The following NEO1 variants were observed in gnomAD, a reference collection of about 807,000 sequenced individuals.
NEO1 encodes the protein neogenin.
NEO1 carries 63 observed loss-of-function variants against 159.7 expected under a neutral mutation model. That is an observed-to-expected ratio of 0.39 (90% CI 0.32 to 0.49). The LOEUF is 0.49. Among genes scored for constraint, NEO1 ranks in the 20% least tolerant of loss-of-function variants. NEO1 has a pLI of 0.85. For missense variants in NEO1, 1,615 were observed against 1,831.0 expected, an observed-to-expected ratio of 0.88 and a Z score of 2.15; for synonymous variants, 633 against 662.0, an observed-to-expected ratio of 0.96 and a Z score of 0.67.
chr15:73,256,534 A>G lies in NEO1; in HGVS notation c.2092+1705A>G, dbSNP rs190331103. On this transcript the variant is annotated intron_variant, in intron 13 of 28. Transcript: ENST00000261908. ...ATAATGTTTTTACTTGTTTATGGGT[A>G]TAAGTTTCTAAAAATTGAGAGAGCC... 2.0e-5 allele frequency among the ~76,000 whole-genome samples: 3 copies of G among 152,266 alleles called. No homozygotes were observed. The East Asian group carries it at 5.8e-4, about 29-fold the overall frequency.
chr15:73,260,574 A>C (rs1185302101), intron 15 of NEO1, 109 bp downstream of exon 15: 11 of 985,320 alleles, frequency 1.1e-5, no homozygotes, highest in Middle Eastern at 3.0e-4. Context: ...AGTACAAGTA[A>C]TTTCTGCATG....
chr15:73,265,634 T>C (rs1337628757), intron 15 of NEO1, among the ~76,000 whole-genome samples: 1 of 152,206 alleles, frequency 6.6e-6, no homozygotes, highest in Non-Finnish European at 1.5e-5. Flanking sequence ...CAAAGCACTT[T>C]TTCCTTGCCA....
At chr15:73,092,854 C>A (rs974139889) in intron 1 of NEO1, among the ~76,000 whole-genome samples, 4 of 152,196 alleles carry the variant, frequency 2.6e-5, no homozygotes, top group African/African-American at 7.2e-5. Flanking sequence ...ACATTTGTTA[C>A]AATTAGTAAA....
At chr15:73,290,523 AC>A (rs66505471) in intron 25 of NEO1, among the ~76,000 whole-genome samples, 152,244 of 152,248 alleles carry the variant, frequency 1, 76,120 homozygotes, top group Middle Eastern at 1. Context: ...CTGAGCCACC[AC>A]CACCCGCCCA....
intron 5 of NEO1, among the ~76,000 whole-genome samples, chr15:73,139,303 G>T (rs1394493820): frequency 1.3e-5 from 2 of 151,960 alleles, no homozygotes; most frequent in African/African-American, 2.4e-5. Context: ...GAAAACACAG[G>T]CAACGAAAGC....
At chr15:73,194,163 A>G (rs1323477013) in intron 7 of NEO1, among the ~76,000 whole-genome samples, 1 of 152,152 alleles carries the variant, frequency 6.6e-6, no homozygotes, top group Non-Finnish European at 1.5e-5. Context: ...GGATTAATTT[A>G]TTAGAGATGT....
At chr15:73,233,659 T>C (rs1227570647) in intron 7 of NEO1, among the ~76,000 whole-genome samples, 5 of 152,158 alleles carry the variant, frequency 3.3e-5, no homozygotes, top group Non-Finnish European at 5.9e-5. Flanking sequence ...TAAAGAGTTA[T>C]AGATCTGTGC....
chr15:73,266,001 C>T (rs1047580061), intron 15 of NEO1, among the ~76,000 whole-genome samples: 64 of 152,226 alleles, frequency 4.2e-4, no homozygotes, highest in African/African-American at 1.5e-3. Flanking sequence ...CACATTAAAT[C>T]TTATCTCTTC....
intron 1 of NEO1, among the ~76,000 whole-genome samples, chr15:73,078,368 T>C (rs1399305768): frequency 6.6e-6 from 1 of 152,110 alleles, no homozygotes; most frequent in Non-Finnish European, 1.5e-5. Flanking sequence ...TTAAACACAG[T>C]GGATGTTTGA....
chr15:73,136,130 T>A, intron 5 of NEO1, 103 bp downstream of exon 5: 2 of 985,668 alleles, frequency 2.0e-6, no homozygotes, highest in Non-Finnish European at 2.8e-6. Flanking sequence ...GCAAAACAAT[T>A]AAAAGCATAA....
chr15:73,279,345 G>T lies in NEO1; in HGVS notation c.3262+1146G>T, dbSNP rs796754128. Among the ~76,000 whole-genome samples the T allele has an allele frequency of 1.3e-3, 100 of 77,834 alleles. 2 individuals are homozygous for T. In the South Asian group the frequency reaches 0.03, roughly 24 times the overall value. The allele number at this position is 77,834 out of a possible 152,430, so 51.1% of individuals were successfully genotyped here. ...GCATGCATGTTTTTTTGTTGTTTTG[G>T]TTTTGGTTTTTTTTTTTTTTTGAGA... On this transcript the variant is annotated intron_variant, in intron 22 of 28. Coordinates refer to ENST00000261908, the MANE Select transcript of NEO1 (RefSeq NM_002499.4).
intron 5 of NEO1, among the ~76,000 whole-genome samples, chr15:73,167,349 A>G (rs2034648355): frequency 6.6e-6 from 1 of 150,666 alleles, no homozygotes; most frequent in Non-Finnish European, 1.5e-5. Flanking sequence ...TTCCTTGGCT[A>G]TTGTTTTAAG....
intron 4 of NEO1, among the ~76,000 whole-genome samples, chr15:73,129,260 A>T (rs914689170): frequency 6.6e-6 from 1 of 152,228 alleles, no homozygotes; most frequent in Non-Finnish European, 1.5e-5. Flanking sequence ...TACCCAAAAT[A>T]TCTTTGTTTC....
At position 73,290,279 on chromosome 15, in the gene NEO1, C is replaced by T. The variant is rs1463001384; in HGVS notation, c.3742+1041C>T. Among the ~76,000 whole-genome samples, 3 of 111,008 alleles carry T rather than the reference C, an allele frequency of 2.7e-5. No homozygotes were observed. The South Asian group carries it at 9.1e-4, about 34-fold the overall frequency. The allele number at this position is 111,008 out of a possible 152,430, so 72.8% of individuals were successfully genotyped here. Reference sequence around the variant, plus strand: ...AGACAGAGTCAGAGTCTTGCTGTGTCGCCAAGGCTGGAGTGCAGTGTCACG... The same window carrying T: ...AGACAGAGTCAGAGTCTTGCTGTGTTGCCAAGGCTGGAGTGCAGTGTCACG... On this transcript the variant is annotated intron_variant, in intron 25 of 28. Coordinates refer to ENST00000261908, the MANE Select transcript of NEO1 (RefSeq NM_002499.4).
intron 7 of NEO1, among the ~76,000 whole-genome samples, chr15:73,214,504 C>T (rs2037767254): frequency 6.6e-6 from 1 of 152,152 alleles, no homozygotes; most frequent in Non-Finnish European, 1.5e-5. Flanking sequence ...AGCCAATTAT[C>T]CCAGCACCAT....
chr15:73,181,358 A>G (rs1449410393), intron 7 of NEO1, among the ~76,000 whole-genome samples: 1 of 152,146 alleles, frequency 6.6e-6, no homozygotes, highest in East Asian at 1.9e-4. Flanking sequence ...TGAGATGATA[A>G]ATACTTACAC....
chr15:73,062,203 T>C (rs1320346981), intron 1 of NEO1, among the ~76,000 whole-genome samples: 1 of 152,240 alleles, frequency 6.6e-6, no homozygotes, highest in African/African-American at 2.4e-5. Flanking sequence ...CCTAGTCTTT[T>C]TGCCAATTTG....
Position 73,298,423 on chromosome 15 carries a change from A to C in NEO1, c.3977A>C (p.Asp1326Ala), listed in dbSNP as rs1173021684. 13 of 1,614,088 alleles carry C rather than the reference A, an allele frequency of 8.1e-6. No individual in the cohort carries two copies. Among genetic ancestry groups the C allele is most frequent in the African/African-American group, 1.3e-5 (1 of 74,918 alleles). ...CAAACATGCTGCACTGATCACCAGG[A>C]CCCTGAAGGTGCTACCAGCTCCTCT... ...SSQTCCTDHQ[D>A]PEGATSSSYL... The change falls in exon 27 of 29, where the codon GAC becomes GCC. Residue 1326 changes from aspartate (D) to alanine (A), a missense_variant. This residue lies in a region of NEO1 where 471 missense variants were observed against 498.9 expected (regional missense o/e 0.94). Coordinates refer to ENST00000261908, the MANE Select transcript of NEO1 (RefSeq NM_002499.4).
At chr15:73,114,800 A>G (rs917359846) in intron 1 of NEO1, among the ~76,000 whole-genome samples, 3 of 152,180 alleles carry the variant, frequency 2.0e-5, no homozygotes, top group Admixed American at 2.0e-4. Flanking sequence ...TTTGGGGGGT[A>G]TAATAGAGAT....
Sources: gnomAD v4.1 joint callset for allele counts (sites outside exome capture counted in the v4.1 genomes callset) on GRCh38, gnomAD v4.1.1 for gene constraint, gnomAD v4.1.1 regional missense constraint, MANE v1.5 for transcripts, NCBI Gene and HGNC (gene_info 2026-07-23, HGNC 2026-07-21) for gene names.